The following RBFOX3 variants were observed in gnomAD, a reference collection of about 807,000 sequenced individuals.
The protein encoded by RBFOX3 is RNA binding fox-1 homolog 3, also known as RNA binding protein fox-1 homolog 3.
In RBFOX3, 17 loss-of-function variants were observed where a neutral mutation model predicts 48.7. The ratio of observed to expected loss-of-function variants is 0.35; its 90% confidence interval spans 0.24 to 0.52. RBFOX3 has a LOEUF of 0.52. Ranked by LOEUF, RBFOX3 falls within the 20% of genes least tolerant of loss-of-function variation. The pLI is 0.94. For synonymous variants in RBFOX3, 212 were observed against 209.5 expected (o/e 1.01, Z -0.10); for missense variants, 382 against 497.5 (o/e 0.77, Z 2.21).
intron 2 of RBFOX3, among the ~76,000 whole-genome samples, chr17:79,336,504 G>A (rs906425750): frequency 3.9e-5 from 6 of 152,214 alleles, no homozygotes; most frequent in African/African-American, 7.2e-5. Flanking sequence ...GTCCAGCAGC[G>A]CATGGAGACA....
At position 79,158,929 on chromosome 17, in the gene RBFOX3, C is replaced by G. The variant is rs1214452193; in HGVS notation, c.-33-43181G>C. 2.0e-5 allele frequency among the ~76,000 whole-genome samples: 3 copies of G among 152,178 alleles called. No homozygotes were observed. The East Asian group carries it at 5.8e-4, about 29-fold the overall frequency. ...GGCTTCCAGGGGTGCAAAGGAAGGA[C>G]AGTGTGGAGTGTGCTGTAAGCCCCA... On this transcript the variant is annotated intron_variant, in intron 4 of 14. Transcript: ENST00000693108.
Position 79,477,384 on chromosome 17 carries a change from G to A in RBFOX3, c.-175+5070C>T, listed in dbSNP as rs371253522. ...ATCCTGGCTAACACGGTGAAACCCC[G>A]TCTCTACTAAAAATACAAAACATTA... is the stretch of plus-strand genomic sequence containing the variant. On this transcript the variant is annotated intron_variant, in intron 2 of 14. Coordinates refer to ENST00000693108, the MANE Select transcript of RBFOX3 (RefSeq NM_001350451.2). This position sits in a 1 kb window ranked among gnomAD's most constrained non-coding sequence, Gnocchi z 4.8. Among the ~76,000 whole-genome samples the A allele has an allele frequency of 1.9e-3, 287 of 151,314 alleles. No homozygotes were observed. Among genetic ancestry groups the A allele is most frequent in the South Asian group, 4.6e-3 (22 of 4,786 alleles).
intron 1 of RBFOX3, among the ~76,000 whole-genome samples, chr17:79,509,932 T>G (rs1240653572): frequency 6.6e-6 from 1 of 151,968 alleles, no homozygotes; most frequent in Non-Finnish European, 1.5e-5. Flanking sequence ...TACTTGGGCA[T>G]GACGCCTGGG....
At chr17:79,215,235 C>CGCCCTT (rs1567855476) in intron 4 of RBFOX3, among the ~76,000 whole-genome samples, 1 of 152,192 alleles carries the variant, frequency 6.6e-6, no homozygotes, top group African/African-American at 2.4e-5. Context: ...CTGCCGCCCT[C>CGCCCTT]GTGCAGCTCT....
At chr17:79,230,341 C>G (rs1194254635) in intron 4 of RBFOX3, among the ~76,000 whole-genome samples, 2 of 152,122 alleles carry the variant, frequency 1.3e-5, no homozygotes, top group Admixed American at 1.3e-4. Context: ...CTCACTGCTA[C>G]CTCTGCCTCC....
At chr17:79,584,138 A>G (rs2093165484) in intron 1 of RBFOX3, among the ~76,000 whole-genome samples, 1 of 152,220 alleles carries the variant, frequency 6.6e-6, no homozygotes, top group Non-Finnish European at 1.5e-5. Flanking sequence ...AGCATATGGA[A>G]AAATGCTCCA....
chr17:79,385,216 C>A (rs565859908), intron 2 of RBFOX3, among the ~76,000 whole-genome samples: 1 of 152,318 alleles, frequency 6.6e-6, no homozygotes, highest in African/African-American at 2.4e-5. Context: ...GGGAAGAGAG[C>A]TCTCCAGGGT....
chr17:79,291,924 T>G (rs903514517), intron 3 of RBFOX3, among the ~76,000 whole-genome samples: 1 of 152,088 alleles, frequency 6.6e-6, no homozygotes, highest in African/African-American at 2.4e-5. Flanking sequence ...AGCTGAACCT[T>G]GAATTTCACA....
the RBFOX3 span, among the ~76,000 whole-genome samples, chr17:79,630,954 C>A: frequency 6.6e-6 from 1 of 152,152 alleles, no homozygotes; most frequent in African/African-American, 2.4e-5. Flanking sequence ...CCCCGCCCCA[C>A]GAGGTGGAGG....
At chr17:79,447,527 A>G (rs2072586172) in intron 2 of RBFOX3, among the ~76,000 whole-genome samples, 1 of 152,216 alleles carries the variant, frequency 6.6e-6, no homozygotes, top group Non-Finnish European at 1.5e-5. Context: ...CCCATTTTAC[A>G]GAAGGACTAA....
At chr17:79,397,819 C>T (rs1322551271) in intron 2 of RBFOX3, among the ~76,000 whole-genome samples, 5 of 152,152 alleles carry the variant, frequency 3.3e-5, no homozygotes, top group African/African-American at 1.2e-4. Flanking sequence ...CAGCGGTGGG[C>T]AGGGGAGGTG....
At chr17:79,349,651 C>T (rs2083517091) in intron 2 of RBFOX3, among the ~76,000 whole-genome samples, 2 of 152,100 alleles carry the variant, frequency 1.3e-5, no homozygotes, top group South Asian at 4.2e-4. Flanking sequence ...CCCGGCAATG[C>T]CTGAAGATGA....
intron 3 of RBFOX3, among the ~76,000 whole-genome samples, chr17:79,245,609 G>A (rs578108791): frequency 1.4e-4 from 20 of 146,254 alleles, no homozygotes; most frequent in East Asian, 9.9e-4. Flanking sequence ...TTATCCATTC[G>A]TCTGTAGGTG....
At chr17:79,398,298 C>G (rs544334556) in intron 2 of RBFOX3, among the ~76,000 whole-genome samples, 2 of 152,098 alleles carry the variant, frequency 1.3e-5, no homozygotes, top group South Asian at 2.1e-4. Context: ...CTGGCCTAGA[C>G]GAGGCTTCAT....
intron 1 of RBFOX3, among the ~76,000 whole-genome samples, chr17:79,520,696 C>T (rs1047422282): frequency 2.9e-4 from 44 of 152,332 alleles, no homozygotes; most frequent in Admixed American, 1.8e-3. Context: ...GCACCTGCCA[C>T]GGGGCCTCAG....
At chr17:79,158,422 T>C (rs1346908852) in intron 4 of RBFOX3, among the ~76,000 whole-genome samples, 2 of 152,202 alleles carry the variant, frequency 1.3e-5, no homozygotes, top group Admixed American at 6.5e-5. Flanking sequence ...CCGGTTAAGA[T>C]GTGAAGAGCC....
chr17:79,159,616 C>G (rs1599733133), intron 4 of RBFOX3, among the ~76,000 whole-genome samples: 1 of 152,212 alleles, frequency 6.6e-6, no homozygotes, highest in Non-Finnish European at 1.5e-5. Context: ...CCCACTCACA[C>G]ACTCAGAGTT....
Position 79,520,037 on chromosome 17 carries a change from G to A in RBFOX3, c.-319-37439C>T, listed in dbSNP as rs914563040. Among the ~76,000 whole-genome samples, 159 of 152,296 alleles carry A rather than the reference G, an allele frequency of 1.0e-3. 1 individual carries two copies. The highest frequency in any genetic ancestry group is 3.6e-3 in the African/African-American group (149 of 41,562). ...TCAACCTCAGTGGTCCACAAAGCCCGTTGAAAGTCACCAAGCCAGGTCTCC... is the reference window on the plus strand; with the variant it reads ...TCAACCTCAGTGGTCCACAAAGCCCATTGAAAGTCACCAAGCCAGGTCTCC... On this transcript the variant is annotated intron_variant, in intron 1 of 14. Coordinates refer to ENST00000693108, the MANE Select transcript of RBFOX3 (RefSeq NM_001350451.2).
chr17:79,451,560 G>A (rs1555741700), intron 2 of RBFOX3, among the ~76,000 whole-genome samples: 1 of 152,214 alleles, frequency 6.6e-6, no homozygotes, highest in African/African-American at 2.4e-5. Context: ...CAACTGGCAG[G>A]AGGGAAAATG....
Sources: allele counts gnomAD v4.1 joint callset (sites outside exome capture counted in the v4.1 genomes callset), GRCh38; gene constraint gnomAD v4.1.1; non-coding constraint Gnocchi (gnomAD v3.1); transcripts MANE v1.5; gene names NCBI Gene and HGNC (gene_info 2026-07-23, HGNC 2026-07-21).